DTNB: variants seen among roughly 807,000 people sequenced by gnomAD.
DTNB encodes dystrobrevin beta, also known as DTN-B.
A neutral mutation model predicts 90.7 loss-of-function variants in DTNB; 63 were observed. That is an observed-to-expected ratio of 0.69 (90% CI 0.57 to 0.86). The LOEUF (loss-of-function observed/expected upper bound fraction) is 0.86, where lower values mean the gene tolerates loss of function less well. Ranked by LOEUF, DTNB falls within the 40% of genes least tolerant of loss-of-function variation. DTNB has a pLI of 0.00. For missense variants in DTNB, 744 were observed against 807.1 expected, an observed-to-expected ratio of 0.92 and a Z score of 0.95; for synonymous variants, 277 against 286.7, an observed-to-expected ratio of 0.97 and a Z score of 0.34.
In DTNB at chr2:25,571,544, T is replaced by C. The variant is rs577181364; in HGVS notation, c.876+5294A>G. 3.9e-5 allele frequency among the ~76,000 whole-genome samples: 6 copies of C among 152,278 alleles called. No homozygotes were observed. In the East Asian group the frequency reaches 1.2e-3, roughly 29 times the overall value. On this transcript the variant is annotated intron_variant, in intron 8 of 20. Coordinates refer to ENST00000406818, the MANE Select transcript of DTNB (RefSeq NM_021907.5). ...CCTACCCTGAACACTACCTCTTCTC[T>C]TCCCCAGATCTCTGCTGGTAAACTT...
At chr2:25,430,228 T>C (rs2053407117) in intron 14 of DTNB, among the ~76,000 whole-genome samples, 1 of 152,208 alleles carries the variant, frequency 6.6e-6, no homozygotes, top group Admixed American at 6.5e-5. Flanking sequence ...TTGCACAATA[T>C]TTTTTAACTA....
At chr2:25,541,827 A>T (rs1047064472) in intron 8 of DTNB, among the ~76,000 whole-genome samples, 1 of 152,186 alleles carries the variant, frequency 6.6e-6, no homozygotes, top group Non-Finnish European at 1.5e-5. Flanking sequence ...CTTTTTGAGG[A>T]ACCACCATAC....
intron 9 of DTNB, among the ~76,000 whole-genome samples, chr2:25,506,748 T>C (rs2072550499): frequency 3.3e-5 from 5 of 152,198 alleles, no homozygotes; most frequent in African/African-American, 1.2e-4. Context: ...TCTGCACACA[T>C]AATAAGCTTG....
chr2:25,567,007 C>A (rs1389046065), intron 8 of DTNB, among the ~76,000 whole-genome samples: 1 of 152,200 alleles, frequency 6.6e-6, no homozygotes, highest in East Asian at 1.9e-4. Flanking sequence ...GAAGCAGAGA[C>A]AGGGGGCATG....
At chr2:25,575,693 G>A (rs1260566770) in intron 8 of DTNB, among the ~76,000 whole-genome samples, 1 of 152,140 alleles carries the variant, frequency 6.6e-6, no homozygotes, top group Non-Finnish European at 1.5e-5. Flanking sequence ...GGTTATTAAA[G>A]CTTTCTAATA....
chr2:25,397,700 C>A (rs1301705203), intron 16 of DTNB, among the ~76,000 whole-genome samples: 1 of 151,866 alleles, frequency 6.6e-6, no homozygotes, highest in East Asian at 1.9e-4. Context: ...GCCAACATGG[C>A]GAAACCCTGT....
chr2:25,517,767 C>G (rs576420833), intron 9 of DTNB, among the ~76,000 whole-genome samples: 1 of 152,234 alleles, frequency 6.6e-6, no homozygotes, highest in East Asian at 1.9e-4. Context: ...GAGGTGAAAG[C>G]CACCCAAAAT....
rs1325909562 is a variant in DTNB at position 25,628,373 on chromosome 2, C to T, written c.160G>A (p.Asp54Asn). 6.2e-7 allele frequency: 1 copy of T among 1,612,606 alleles called. No individual in the cohort carries two copies. Among genetic ancestry groups the T allele is most frequent in the Non-Finnish European group, 8.5e-7 (1 of 1,179,542 alleles). ...AAGGCTTCAATCATGTTCCAGATAT[C>T]AACAAGATGAACTAAAAGACAAAGA... ...VQKRCNLHLV[D>N]IWNMIEAFRD... Residue 54 changes from aspartate (D) to asparagine (N), a missense_variant, in exon 4 of 21, where the codon GAT becomes AAT. Transcript: ENST00000406818.
At chr2:25,629,517 G>A (rs544319076) in intron 3 of DTNB, among the ~76,000 whole-genome samples, 3 of 152,034 alleles carry the variant, frequency 2.0e-5, no homozygotes, top group Admixed American at 6.6e-5. Flanking sequence ...CAAATTATAC[G>A]CTGTTTGTAA....
At chr2:25,417,145 C>A (rs1451244312) in intron 16 of DTNB, among the ~76,000 whole-genome samples, 4 of 152,154 alleles carry the variant, frequency 2.6e-5, no homozygotes, top group African/African-American at 9.7e-5. Flanking sequence ...GAGGAAAAAA[C>A]AAATTGTACC....
At chr2:25,594,110 A>G (rs1364269617) in intron 6 of DTNB, among the ~76,000 whole-genome samples, 1 of 152,200 alleles carries the variant, frequency 6.6e-6, no homozygotes, top group African/African-American at 2.4e-5. Flanking sequence ...TGACTTCATC[A>G]TACTCATCTT....
rs115635237 is a variant in DTNB, at chr2:25,494,072, T to C, written c.1002-11199A>G. 7.2e-3 allele frequency among the ~76,000 whole-genome samples: 1,104 copies of C among 152,278 alleles called. 17 individuals are homozygous for C. Among genetic ancestry groups the C allele is most frequent in the African/African-American group, 0.025 (1,059 of 41,550 alleles). ...CATACATTTCTTTACTTTTGCAGCATTGGGGAGGTTGTGGGGGGAAGACAG... is the reference window on the plus strand; with the variant it reads ...CATACATTTCTTTACTTTTGCAGCACTGGGGAGGTTGTGGGGGGAAGACAG... On this transcript the variant is annotated intron_variant, in intron 9 of 20. Coordinates refer to ENST00000406818, the MANE Select transcript of DTNB (RefSeq NM_021907.5).
chr2:25,552,058 G>C (rs954116565), intron 8 of DTNB, among the ~76,000 whole-genome samples: 2 of 152,128 alleles, frequency 1.3e-5, no homozygotes, highest in African/African-American at 4.8e-5. Flanking sequence ...ATATCTCTCT[G>C]AGGAATTAAC....
chr2:25,488,516 G>GT (rs2066674354), intron 9 of DTNB, among the ~76,000 whole-genome samples: 1 of 152,162 alleles, frequency 6.6e-6, no homozygotes, highest in Non-Finnish European at 1.5e-5. Context: ...TGAAGTACAG[G>GT]TAAGTGGATG....
intron 1 of DTNB, among the ~76,000 whole-genome samples, chr2:25,665,523 G>A (rs997480991): frequency 6.6e-6 from 1 of 152,122 alleles, no homozygotes; most frequent in African/African-American, 2.4e-5. Context: ...CTACTTGGGA[G>A]GCTGAGGCAA....
At chr2:25,567,007 CAG>C (rs937846971) in intron 8 of DTNB, among the ~76,000 whole-genome samples, 18 of 152,200 alleles carry the variant, frequency 1.2e-4, no homozygotes, top group African/African-American at 4.1e-4. Flanking sequence ...GAAGCAGAGA[CAG>C]GGGGCATGGC....
intron 16 of DTNB, among the ~76,000 whole-genome samples, chr2:25,414,429 T>TA (rs1206579282): frequency 6.6e-6 from 1 of 152,200 alleles, no homozygotes; most frequent in East Asian, 1.9e-4. Flanking sequence ...TAATTTTTTG[T>TA]ATTTTTAGTA....
At chr2:25,665,931 C>CG (rs1407702013) in intron 1 of DTNB, among the ~76,000 whole-genome samples, 8 of 152,132 alleles carry the variant, frequency 5.3e-5, no homozygotes, top group African/African-American at 1.9e-4. Context: ...AATAACCTCA[C>CG]GGGGCTGTGG....
At chr2:25,646,451 G>C (rs562537830) in intron 2 of DTNB, among the ~76,000 whole-genome samples, 1 of 151,662 alleles carries the variant, frequency 6.6e-6, no homozygotes, top group East Asian at 1.9e-4. Flanking sequence ...CAGCCTGGGT[G>C]ACAGACTGAG....
Sources: gnomAD v4.1 joint callset for allele counts (sites outside exome capture counted in the v4.1 genomes callset) on GRCh38, gnomAD v4.1.1 for gene constraint, MANE v1.5 for transcripts, NCBI Gene and HGNC (gene_info 2026-07-23, HGNC 2026-07-21) for gene names.